The following NEGR1 variants were observed in gnomAD, a reference collection of about 807,000 sequenced individuals.
The protein encoded by NEGR1 is neuronal growth regulator 1.
A neutral mutation model predicts 40.9 loss-of-function variants in NEGR1; 10 were observed. That is an observed-to-expected ratio of 0.24 (90% CI 0.15 to 0.42). The LOEUF (loss-of-function observed/expected upper bound fraction) is 0.42. NEGR1 is among the 10% of genes least tolerant of loss of function. The pLI is 1.00. For missense variants in NEGR1, 352 were observed against 438.9 expected, an observed-to-expected ratio of 0.80 and a Z score of 1.77; for synonymous variants, 185 against 166.8, an observed-to-expected ratio of 1.11 and a Z score of -0.84.
intron 1 of NEGR1, among the ~76,000 whole-genome samples, chr1:72,124,016 T>C (rs1649909338): frequency 6.6e-6 from 1 of 152,044 alleles, no homozygotes; most frequent in Non-Finnish European, 1.5e-5. Context: ...TAGAAATCTA[T>C]CATTTATATA....
At chr1:71,857,511 C>T (rs1458016545) in intron 2 of NEGR1, among the ~76,000 whole-genome samples, 1 of 148,382 alleles carries the variant, frequency 6.7e-6, no homozygotes, top group Non-Finnish European at 1.5e-5. Context: ...ACCTATAGTC[C>T]CAGCTACTTG....
At chr1:71,460,505 T>C (rs955402795) in intron 6 of NEGR1, among the ~76,000 whole-genome samples, 1 of 152,236 alleles carries the variant, frequency 6.6e-6, no homozygotes, top group South Asian at 2.1e-4. Flanking sequence ...CTGTAAGCCT[T>C]GCTCTTCTCA....
At chr1:71,475,559 A>G (rs1234978555) in intron 6 of NEGR1, among the ~76,000 whole-genome samples, 2 of 152,018 alleles carry the variant, frequency 1.3e-5, no homozygotes, top group Non-Finnish European at 2.9e-5. Context: ...AAATTTGGTC[A>G]AAATTATAGA....
chr1:71,409,473 A>G (rs1157744208), intron 6 of NEGR1, among the ~76,000 whole-genome samples: 1 of 152,042 alleles, frequency 6.6e-6, no homozygotes, highest in African/African-American at 2.4e-5. Flanking sequence ...AAATGGGTAG[A>G]TTATCAAGTC....
intron 1 of NEGR1, among the ~76,000 whole-genome samples, chr1:72,134,351 G>A (rs1212803263): frequency 4.6e-5 from 7 of 151,116 alleles, no homozygotes; most frequent in South Asian, 4.2e-4. Flanking sequence ...GACTACAGGC[G>A]CCCGCCACCA....
At chr1:71,714,925 A>G (rs537215564) in intron 3 of NEGR1, among the ~76,000 whole-genome samples, 1 of 152,294 alleles carries the variant, frequency 6.6e-6, no homozygotes, top group Admixed American at 6.5e-5. Context: ...GCAGGGCCCC[A>G]CTGAGGACTC....
chr1:71,591,195 T>G (rs755821074), intron 6 of NEGR1, among the ~76,000 whole-genome samples: 1 of 152,136 alleles, frequency 6.6e-6, no homozygotes, highest in Admixed American at 6.6e-5. Flanking sequence ...TTGTATGTAC[T>G]TAATAGCACC....
chr1:71,609,959 T>G (rs1473192792), intron 5 of NEGR1, among the ~76,000 whole-genome samples: 1 of 152,146 alleles, frequency 6.6e-6, no homozygotes, highest in East Asian at 1.9e-4. Context: ...ATAAGGGGGT[T>G]TTCCCCGATT....
intron 2 of NEGR1, among the ~76,000 whole-genome samples, chr1:71,863,014 T>C (rs1245796707): frequency 2.0e-5 from 3 of 152,174 alleles, no homozygotes; most frequent in Non-Finnish European, 4.4e-5. Context: ...TGTAAATTAA[T>C]TCAACCATTG....
At chr1:71,646,665 A>T (rs1259025235) in intron 4 of NEGR1, among the ~76,000 whole-genome samples, 1 of 151,806 alleles carries the variant, frequency 6.6e-6, no homozygotes, top group Admixed American at 6.6e-5. Context: ...TTGAAAATAC[A>T]TGTATTATTT....
chr1:71,538,470 C>T (rs1421776939), intron 6 of NEGR1, among the ~76,000 whole-genome samples: 5 of 151,532 alleles, frequency 3.3e-5, no homozygotes, highest in Non-Finnish European at 7.4e-5. Flanking sequence ...TTTTGGTTGC[C>T]GTGGTTTCAT....
At chr1:71,999,537 T>C (rs1001421456) in intron 1 of NEGR1, among the ~76,000 whole-genome samples, 3 of 149,480 alleles carry the variant, frequency 2.0e-5, no homozygotes, top group African/African-American at 7.4e-5. Flanking sequence ...TATTTTCACT[T>C]AGGTTTGTTA....
chr1:71,943,334 CA>C (rs1645989461), intron 1 of NEGR1, among the ~76,000 whole-genome samples: 1 of 149,918 alleles, frequency 6.7e-6, no homozygotes, highest in Non-Finnish European at 1.5e-5. Context: ...AACTTAGAGC[CA>C]TTTATATATA....
At chr1:71,909,421 G>A (rs1157606190) in intron 2 of NEGR1, among the ~76,000 whole-genome samples, 5 of 152,070 alleles carry the variant, frequency 3.3e-5, no homozygotes, top group Non-Finnish European at 7.4e-5. Context: ...TAATGTTTCC[G>A]GTGTTCGTTG....
chr1:71,813,355 T>G (rs185750629), intron 2 of NEGR1, among the ~76,000 whole-genome samples: 63 of 152,274 alleles, frequency 4.1e-4, no homozygotes, highest in African/African-American at 1.4e-3. Context: ...TAATTTGAAG[T>G]CAAATAGCAT....
chr1:72,074,608 A>G (rs1229512907), intron 1 of NEGR1, among the ~76,000 whole-genome samples: 1 of 152,106 alleles, frequency 6.6e-6, no homozygotes, highest in Non-Finnish European at 1.5e-5. Flanking sequence ...TATGAATTTG[A>G]CAAGTATTAT....
At chr1:71,679,897 AT>A (rs1171120040) in intron 4 of NEGR1, among the ~76,000 whole-genome samples, 4 of 151,840 alleles carry the variant, frequency 2.6e-5, no homozygotes, top group Non-Finnish European at 5.9e-5. Context: ...TGTTTTATTA[AT>A]TTTTTTCTTG....
At chr1:71,904,558 G>T (rs904260777) in intron 2 of NEGR1, among the ~76,000 whole-genome samples, 1 of 152,126 alleles carries the variant, frequency 6.6e-6, no homozygotes, top group East Asian at 1.9e-4. Flanking sequence ...ATCCAATATA[G>T]GTTTGGCAAA....
intron 6 of NEGR1, among the ~76,000 whole-genome samples, chr1:71,511,891 T>A (rs941506715): frequency 1.4e-4 from 22 of 152,166 alleles, no homozygotes; most frequent in African/African-American, 5.3e-4. Flanking sequence ...AAATTCTACA[T>A]CAGAATTTTA....
Sources: gnomAD v4.1 joint callset for allele counts (sites outside exome capture counted in the v4.1 genomes callset) on GRCh38, gnomAD v4.1.1 for gene constraint, MANE v1.5 for transcripts, NCBI Gene and HGNC (gene_info 2026-07-23, HGNC 2026-07-21) for gene names.